Variants in XKR4 observed in about 807,000 individuals in gnomAD.
XKR4 encodes the protein XK related 4.
A neutral mutation model predicts 53.9 loss-of-function variants in XKR4; 12 were observed. The observed-to-expected ratio is 0.22, with a 90% CI of 0.14 to 0.36. XKR4 has a LOEUF of 0.36. Among genes scored for constraint, XKR4 ranks in the 10% least tolerant of loss-of-function variants. The pLI is 1.00. For synonymous variants in XKR4, 354 were observed against 362.4 expected (o/e 0.98, Z 0.26); for missense variants, 799 against 859.5 (o/e 0.93, Z 0.88).
intron 1 of XKR4, among the ~76,000 whole-genome samples, chr8:55,155,816 C>G (rs1388746954): frequency 6.6e-6 from 1 of 152,162 alleles, no homozygotes; most frequent in East Asian, 1.9e-4. Context: ...GCTTTCAACC[C>G]TGGCATCAAC....
intron 1 of XKR4, among the ~76,000 whole-genome samples, chr8:55,196,203 T>G (rs11990392): frequency 0.093 from 13,132 of 141,782 alleles, 1,612 homozygotes; most frequent in African/African-American, 0.28. Context: ...TTTGTTGAGA[T>G]GGAGTTTCGC....
intron 1 of XKR4, among the ~76,000 whole-genome samples, chr8:55,273,205 C>G (rs1022457090): frequency 3.3e-5 from 5 of 150,672 alleles, no homozygotes; most frequent in African/African-American, 9.8e-5. Context: ...CCCTCACTGA[C>G]TAAATGTGCT....
At chr8:55,388,869 C>T (rs536986904) in intron 2 of XKR4, among the ~76,000 whole-genome samples, 1 of 152,332 alleles carries the variant, frequency 6.6e-6, no homozygotes, top group African/African-American at 2.4e-5. Context: ...ATGATCTCTC[C>T]ACTAAGACTT....
chr8:55,152,077 A>G (rs967666196), intron 1 of XKR4, among the ~76,000 whole-genome samples: 8 of 152,198 alleles, frequency 5.3e-5, no homozygotes, highest in Middle Eastern at 6.3e-3. Flanking sequence ...TAAGAGCAGC[A>G]AGATCCACTT....
At chr8:55,239,248 A>G (rs1465068747) in intron 1 of XKR4, among the ~76,000 whole-genome samples, 1 of 152,194 alleles carries the variant, frequency 6.6e-6, no homozygotes, top group African/African-American at 2.4e-5. Flanking sequence ...GATGTCATGA[A>G]TTTGTGTCAC....
At chr8:55,480,252 C>A (rs1349194105) in intron 2 of XKR4, among the ~76,000 whole-genome samples, 1 of 151,856 alleles carries the variant, frequency 6.6e-6, no homozygotes, top group Admixed American at 6.6e-5. Context: ...TCAACATACG[C>A]AAATCAATAA....
intron 1 of XKR4, among the ~76,000 whole-genome samples, chr8:55,357,298 A>G (rs1803832959): frequency 6.6e-6 from 1 of 152,216 alleles, no homozygotes; most frequent in Non-Finnish European, 1.5e-5. Flanking sequence ...TCAGGCTTTC[A>G]TTCTGTCCTA....
At chr8:55,406,278 C>G (rs1196027410) in intron 2 of XKR4, among the ~76,000 whole-genome samples, 2 of 152,184 alleles carry the variant, frequency 1.3e-5, no homozygotes, top group Non-Finnish European at 2.9e-5. Flanking sequence ...TTTCTTCCAG[C>G]CTTTCCATTC....
At chr8:55,153,642 TA>T (rs1816867393) in intron 1 of XKR4, among the ~76,000 whole-genome samples, 1 of 152,210 alleles carries the variant, frequency 6.6e-6, no homozygotes, top group African/African-American at 2.4e-5. Context: ...AATACAAAAG[TA>T]ACATGCTTGG....
chr8:55,458,359 C>A (rs563786528), intron 2 of XKR4, among the ~76,000 whole-genome samples: 1 of 152,202 alleles, frequency 6.6e-6, no homozygotes, highest in African/African-American at 2.4e-5. Context: ...TGCTTCTGGG[C>A]AACCAGCAGG....
chr8:55,367,789 C>T (rs907876022), intron 2 of XKR4, among the ~76,000 whole-genome samples: 1 of 152,092 alleles, frequency 6.6e-6, no homozygotes, highest in South Asian at 2.1e-4. Context: ...GTGTGCTCCA[C>T]CTCCAAAACA....
intron 1 of XKR4, among the ~76,000 whole-genome samples, chr8:55,177,550 G>A (rs1817252069): frequency 6.6e-6 from 1 of 152,174 alleles, no homozygotes; most frequent in African/African-American, 2.4e-5. Flanking sequence ...GGCTTTGAAA[G>A]TTTGTTCCCC....
chr8:55,134,022 A>AT (rs537695211), intron 1 of XKR4, among the ~76,000 whole-genome samples: 96 of 152,248 alleles, frequency 6.3e-4, no homozygotes, highest in African/African-American at 2.1e-3. Flanking sequence ...CTCCAGACAG[A>AT]TTTTTTTTCC....
At chr8:55,471,895 C>A (rs1338381402) in intron 2 of XKR4, among the ~76,000 whole-genome samples, 1 of 152,154 alleles carries the variant, frequency 6.6e-6, no homozygotes, top group Admixed American at 6.5e-5. Flanking sequence ...TGGCACCACA[C>A]TTCCTGTACA....
intron 1 of XKR4, among the ~76,000 whole-genome samples, chr8:55,244,900 T>C (rs972486789): frequency 0.025 from 1,284 of 51,296 alleles, 14 homozygotes; most frequent in Middle Eastern, 0.047. Context: ...TGCCAACATT[T>C]TTTTTTTTTT....
intron 2 of XKR4, among the ~76,000 whole-genome samples, chr8:55,365,124 T>C (rs1803957384): frequency 2.6e-5 from 4 of 152,232 alleles, no homozygotes; most frequent in Admixed American, 1.3e-4. Flanking sequence ...TTTAATCCAG[T>C]TGCATCACAG....
intron 2 of XKR4, among the ~76,000 whole-genome samples, chr8:55,435,835 T>G (rs1805169431): frequency 6.6e-6 from 1 of 152,116 alleles, no homozygotes; most frequent in African/African-American, 2.4e-5. Flanking sequence ...CTCAAGGTGT[T>G]AGGATTATAG....
At chr8:55,330,852 A>G (rs1395655793) in intron 1 of XKR4, among the ~76,000 whole-genome samples, 4 of 152,122 alleles carry the variant, frequency 2.6e-5, no homozygotes, top group Non-Finnish European at 1.5e-5. Flanking sequence ...GGACTGCAGT[A>G]TTGGCTCACA....
chr8:55,524,569 A>G lies in XKR4; in HGVS notation c.*342A>G. ...ATCATTAGGGTGTCTTGATGGCGTT[A>G]ACTGATCTTTCCATAAAAATAGATT... On this transcript the variant is annotated 3_prime_UTR_variant, in exon 3 of 3. Transcript: ENST00000327381. 1 of 273,270 alleles carries G rather than the reference A, an allele frequency of 3.7e-6. No individual in the cohort carries two copies. Among genetic ancestry groups the G allele is most frequent in the Non-Finnish European group, 6.9e-6 (1 of 144,426 alleles). 16.9% of individuals were successfully genotyped at this position (273,270 alleles called of 1,614,324 possible).
Sources: gnomAD v4.1 joint callset for allele counts (sites outside exome capture counted in the v4.1 genomes callset) on GRCh38, gnomAD v4.1.1 for gene constraint, MANE v1.5 for transcripts, NCBI Gene and HGNC (gene_info 2026-07-23, HGNC 2026-07-21) for gene names.